Variants in ATP2B4 observed in about 807,000 individuals in gnomAD.
ATP2B4 encodes the protein ATPase plasma membrane Ca2+ transporting 4.
A neutral mutation model predicts 110.3 loss-of-function variants in ATP2B4; 39 were observed. The ratio of observed to expected loss-of-function variants is 0.35; its 90% CI spans 0.27 to 0.46. The LOEUF (loss-of-function observed/expected upper bound fraction) is 0.46. ATP2B4 is among the 20% of genes least tolerant of loss of function. The pLI is 1.00. For missense variants in ATP2B4, 1,135 were observed against 1,530.9 expected, an observed-to-expected ratio of 0.74 and a Z score of 4.32; for synonymous variants, 538 against 571.7, an observed-to-expected ratio of 0.94 and a Z score of 0.84.
At chr1:203,701,395 A>G (rs1337870940) in intron 6 of ATP2B4, among the ~76,000 whole-genome samples, 1 of 152,218 alleles carries the variant, frequency 6.6e-6, no homozygotes, top group Non-Finnish European at 1.5e-5. Context: ...CTAGAAGAGT[A>G]GGAACAGTTA....
At position 203,720,750 on chromosome 1, in the gene ATP2B4, G is replaced by T. The variant is rs748074311; in HGVS notation, c.2598+10G>T. On this transcript the variant is annotated intron_variant, in intron 16 of 20. Coordinates refer to ENST00000357681, the MANE Select transcript of ATP2B4 (RefSeq NM_001684.5). ...AGCCTGTATCACTCAGGTGAAGGGG[G>T]TGTGGGTGGGCTGAGACGGGAGGGA... 2 of 1,606,518 alleles carry T rather than the reference G, an allele frequency of 1.2e-6. No homozygotes were observed. The highest frequency in any genetic ancestry group is 3.3e-4 in the Middle Eastern group (2 of 6,006).
chr1:203,729,740 G>A (rs772583980), intron 20 of ATP2B4: 3 of 1,351,880 alleles, frequency 2.2e-6, no homozygotes, highest in South Asian at 1.2e-5. Context: ...TCTCCGTGTT[G>A]CTGGCCTCAC....
At chr1:203,734,980 G>A (rs897230147) in intron 20 of ATP2B4, among the ~76,000 whole-genome samples, 4 of 129,832 alleles carry the variant, frequency 3.1e-5, no homozygotes, top group African/African-American at 8.8e-5. Flanking sequence ...TCCAGCCTGG[G>A]TGACAGAGAC....
intron 8 of ATP2B4, among the ~76,000 whole-genome samples, chr1:203,705,098 A>G (rs1250336216): frequency 6.6e-6 from 1 of 152,200 alleles, no homozygotes; most frequent in Non-Finnish European, 1.5e-5. Context: ...TTAAAAATCC[A>G]GTTGCTGGGG....
chr1:203,702,506 T>A (rs1665725028), intron 7 of ATP2B4, among the ~76,000 whole-genome samples: 1 of 152,166 alleles, frequency 6.6e-6, no homozygotes, highest in Non-Finnish European at 1.5e-5. Flanking sequence ...CTCATAAGTG[T>A]CCTCTTCTGG....
chr1:203,630,478 A>G (rs1663234650), intron 1 of ATP2B4, among the ~76,000 whole-genome samples: 1 of 151,030 alleles, frequency 6.6e-6, no homozygotes. Flanking sequence ...AGCCTTGGAG[A>G]GAGAAAAGGA....
At position 203,709,388 on chromosome 1, in the gene ATP2B4, G is replaced by A. The variant is rs974513048; in HGVS notation, c.1645G>A (p.Asp549Asn). 2 of 1,614,080 alleles carry A rather than the reference G, an allele frequency of 1.2e-6. No individual in the cohort carries two copies. Among genetic ancestry groups the A allele is most frequent in the Non-Finnish European group, 1.7e-6 (2 of 1,180,044 alleles). The change falls in exon 11 of 21, where the codon GAT becomes AAT. Residue 549 changes from aspartate (D) to asparagine (N), a missense_variant. Transcript: ENST00000357681. ...LLGFVTDLKQ[D>N]YQAVRNEVPE... Reference sequence around the variant, plus strand: ...AGGCTTTGTCACAGATCTGAAGCAGGATTATCAGGCTGTGCGTAATGAAGT... The same window carrying A: ...AGGCTTTGTCACAGATCTGAAGCAGAATTATCAGGCTGTGCGTAATGAAGT...
rs59967661 is a variant in ATP2B4, at chr1:203,740,441, C to CTTTTTTTTTT, written c.*596_*605dup. The CTTTTTTTTTT allele has an allele frequency of 3.0e-5, 4 of 133,944 alleles. No individual in the cohort carries two copies. Among genetic ancestry groups the CTTTTTTTTTT allele is most frequent in the Admixed American group, 7.5e-5 (1 of 13,284 alleles). The allele number at this position is 133,944 out of a possible 1,614,324, so 8.3% of individuals were successfully genotyped here. On this transcript the variant is annotated 3_prime_UTR_variant, in exon 21 of 21. Coordinates refer to ENST00000357681, the MANE Select transcript of ATP2B4 (RefSeq NM_001684.5). Reference sequence around the variant, plus strand: ...TTGTCTTTTGTCTTCCCTTCCTTTCCTTTTTTTTTTTTTTTTTTATGATGA... The same window carrying CTTTTTTTTTT: ...TTGTCTTTTGTCTTCCCTTCCTTTCCTTTTTTTTTTTTTTTTTTTTTTTTTTTTATGATGA...
At chr1:203,689,175 G>C (rs1193098856) in intron 2 of ATP2B4, among the ~76,000 whole-genome samples, 1 of 152,210 alleles carries the variant, frequency 6.6e-6, no homozygotes, top group Non-Finnish European at 1.5e-5. Context: ...CTCGTGAGTG[G>C]AAGAAGCTTT....
At chr1:203,694,042 C>G (rs960291703) in intron 2 of ATP2B4, among the ~76,000 whole-genome samples, 2 of 152,148 alleles carry the variant, frequency 1.3e-5, no homozygotes, top group Admixed American at 1.3e-4. Context: ...CCTGCCAGGC[C>G]TTAGTTTGCT....
chr1:203,691,656 T>C (rs1379270651), intron 2 of ATP2B4, among the ~76,000 whole-genome samples: 2 of 152,220 alleles, frequency 1.3e-5, no homozygotes, highest in Non-Finnish European at 2.9e-5. Flanking sequence ...TTGAATCAAC[T>C]GCTTTATCTC....
chr1:203,694,817 G>T (rs1380136726), intron 2 of ATP2B4, among the ~76,000 whole-genome samples: 1 of 152,152 alleles, frequency 6.6e-6, no homozygotes, highest in Non-Finnish European at 1.5e-5. Flanking sequence ...GTTAGAAGAT[G>T]ATTGCTATAA....
intron 1 of ATP2B4, among the ~76,000 whole-genome samples, chr1:203,665,033 G>A (rs1302168610): frequency 6.6e-6 from 1 of 151,836 alleles, no homozygotes; most frequent in Non-Finnish European, 1.5e-5. Context: ...GACTTTCACC[G>A]TGGTCTCAAT....
intron 1 of ATP2B4, among the ~76,000 whole-genome samples, chr1:203,671,430 C>T (rs775718805): frequency 1.3e-5 from 2 of 152,162 alleles, no homozygotes; most frequent in East Asian, 1.9e-4. Context: ...CCAAAGAGCA[C>T]GATTATAGGC....
rs777313587 is a variant in ATP2B4, at chr1:203,743,593, T to C, written c.*3739T>C. On this transcript the variant is annotated 3_prime_UTR_variant, in exon 21 of 21. Coordinates refer to ENST00000357681, the MANE Select transcript of ATP2B4 (RefSeq NM_001684.5). ...GCCATATGTGAATATGCCATATATA[T>C]GTGCCAACAAATCTATCTACGTTGT... 3.3e-5 allele frequency: 5 copies of C among 152,684 alleles called. No individual in the cohort carries two copies. The highest frequency in any genetic ancestry group is 7.3e-5 in the Non-Finnish European group (5 of 68,052). The allele number at this position is 152,684 out of a possible 1,614,324, so 9.5% of individuals were successfully genotyped here. A position where few individuals can be genotyped will look rare whatever the true frequency, so the allele number is the denominator to read the frequency against.
At chr1:203,739,034 T>C (rs992548892) in intron 20 of ATP2B4, among the ~76,000 whole-genome samples, 2 of 152,232 alleles carry the variant, frequency 1.3e-5, no homozygotes, top group South Asian at 4.1e-4. Flanking sequence ...ATGTGCAGAT[T>C]GGTGTATGCT....
At chr1:203,640,040 A>G (rs777337875) in intron 1 of ATP2B4, among the ~76,000 whole-genome samples, 9 of 152,226 alleles carry the variant, frequency 5.9e-5, no homozygotes, top group Admixed American at 4.6e-4. Context: ...TAAAGTTTGT[A>G]TAATATCGCC....
At chr1:203,651,911 T>A (rs1434504689) in intron 1 of ATP2B4, among the ~76,000 whole-genome samples, 1 of 148,606 alleles carries the variant, frequency 6.7e-6, no homozygotes, top group Non-Finnish European at 1.5e-5. Flanking sequence ...TAAAAAAAAA[T>A]TAGCCAGGCA....
chr1:203,699,615 C>T lies in ATP2B4; in HGVS notation c.547C>T (p.Arg183Cys), dbSNP rs374733543. 1.4e-5 allele frequency: 22 copies of T among 1,613,996 alleles called. No homozygotes were observed. The highest frequency in any genetic ancestry group is 2.2e-5 in the East Asian group (1 of 44,896). The stretch of plus-strand genomic sequence containing the variant: ...GAAGCAATTCCGGGGGCTGCAGTGC[C>T]GCATTGAACAGGAGCAAAAGTTCTC... ...KEKQFRGLQC[R>C]IEQEQKFSII... is the part of the protein sequence containing the mutation. The change falls in exon 4 of 21, where the codon CGC becomes TGC. Residue 183 changes from arginine (R) to cysteine (C), a missense_variant. Coordinates refer to ENST00000357681, the MANE Select transcript of ATP2B4 (RefSeq NM_001684.5).
Sources: gnomAD v4.1 joint callset for allele counts (sites outside exome capture counted in the v4.1 genomes callset) on GRCh38, gnomAD v4.1.1 for gene constraint, MANE v1.5 for transcripts, NCBI Gene and HGNC (gene_info 2026-07-23, HGNC 2026-07-21) for gene names.